CHODL: variants seen among roughly 807,000 people sequenced by gnomAD.
The protein encoded by CHODL is chondrolectin.
In CHODL, 29 loss-of-function variants were observed where a neutral mutation model predicts 34.5. The observed-to-expected ratio is 0.84, with a 90% CI of 0.63 to 1.15. CHODL has a LOEUF of 1.15. Among genes scored for constraint, CHODL ranks in the 50% most tolerant of loss-of-function variants. CHODL has a pLI of 0.00. For synonymous variants in CHODL, 125 were observed against 116.1 expected (o/e 1.08, Z -0.49); for missense variants, 332 against 332.5 (o/e 1.00, Z 0.01).
intron 1 of CHODL, among the ~76,000 whole-genome samples, chr21:17,957,148 T>A (rs2063498732): frequency 6.6e-6 from 1 of 152,194 alleles, no homozygotes; most frequent in Non-Finnish European, 1.5e-5. Context: ...TCACTAACTC[T>A]ATCTAATCAA....
At chr21:18,014,695 C>T (rs989203208) in intron 1 of CHODL, among the ~76,000 whole-genome samples, 5 of 152,170 alleles carry the variant, frequency 3.3e-5, no homozygotes, top group Non-Finnish European at 5.9e-5. Context: ...CTCGTTCCTG[C>T]TCTTGCCATA....
chr21:18,250,008 A>G (rs2074216281), intron 1 of CHODL, among the ~76,000 whole-genome samples: 1 of 152,148 alleles, frequency 6.6e-6, no homozygotes, highest in South Asian at 2.1e-4. Flanking sequence ...TCTCACCAGG[A>G]GAGGTCGTCT....
Position 17,995,238 on chromosome 21 carries a change from C to A in CHODL, c.-144-32634C>A, listed in dbSNP as rs115104779. On this transcript the variant is annotated intron_variant, in intron 1 of 6. Coordinates refer to the CHODL transcript ENST00000400127. ...GTAGCTGCTTGGGTCATGGCACAAACTTCCTCTGGAAAAATGTCTTCTCAT... is the reference window on the plus strand; with the variant it reads ...GTAGCTGCTTGGGTCATGGCACAAAATTCCTCTGGAAAAATGTCTTCTCAT... 4.5e-3 allele frequency among the ~76,000 whole-genome samples: 686 copies of A among 152,256 alleles called. 3 individuals are homozygous for A. Among genetic ancestry groups the A allele is most frequent in the African/African-American group, 0.015 (637 of 41,554 alleles).
chr21:18,072,821 C>T (rs937130280), intron 2 of CHODL, among the ~76,000 whole-genome samples: 1 of 152,048 alleles, frequency 6.6e-6, no homozygotes, highest in African/African-American at 2.4e-5. Flanking sequence ...ACCTCTTATA[C>T]CAAATATACC....
intron 1 of CHODL, among the ~76,000 whole-genome samples, chr21:17,956,744 T>G (rs1371603935): frequency 7.4e-6 from 1 of 135,970 alleles, no homozygotes; most frequent in East Asian, 2.2e-4. Context: ...TTTCTATGAG[T>G]GCACTAATCC....
At chr21:17,971,584 G>GT (rs2063615080) in intron 1 of CHODL, among the ~76,000 whole-genome samples, 1 of 151,836 alleles carries the variant, frequency 6.6e-6, no homozygotes, top group African/African-American at 2.4e-5. Flanking sequence ...TGGGTTGTTT[G>GT]TTTTTTTCTT....
At chr21:18,052,452 C>G (rs1055218262) in intron 2 of CHODL, among the ~76,000 whole-genome samples, 6 of 151,838 alleles carry the variant, frequency 4.0e-5, no homozygotes, top group African/African-American at 1.4e-4. Flanking sequence ...CATTTTATAG[C>G]CTGGCATCTT....
At chr21:18,035,751 A>G (rs1298110850) in intron 2 of CHODL, among the ~76,000 whole-genome samples, 1 of 151,862 alleles carries the variant, frequency 6.6e-6, no homozygotes, top group Non-Finnish European at 1.5e-5. Context: ...TGCATTTTTA[A>G]TCTCAGATGT....
At chr21:17,991,270 G>C (rs1406577740) in intron 1 of CHODL, among the ~76,000 whole-genome samples, 2 of 152,034 alleles carry the variant, frequency 1.3e-5, no homozygotes, top group Non-Finnish European at 2.9e-5. Flanking sequence ...AAATGCTGGG[G>C]TGCAGGTATA....
intron 2 of CHODL, among the ~76,000 whole-genome samples, chr21:18,117,712 TAAATA>T (rs975966563): frequency 3.6e-5 from 5 of 138,614 alleles, no homozygotes; most frequent in African/African-American, 1.2e-4. Context: ...TAAGATAAAA[TAAATA>T]AATAAATAAG....
chr21:18,005,155 C>T (rs1442426144), intron 1 of CHODL, among the ~76,000 whole-genome samples: 1 of 152,224 alleles, frequency 6.6e-6, no homozygotes, highest in Non-Finnish European at 1.5e-5. Flanking sequence ...ACGCTGTGGC[C>T]AGATCCTCTG....
intron 2 of CHODL, among the ~76,000 whole-genome samples, chr21:18,229,280 T>G (rs2073957866): frequency 6.6e-6 from 1 of 152,192 alleles, no homozygotes. Flanking sequence ...GTGATAATTT[T>G]GAATAGCAAA....
intron 1 of CHODL, among the ~76,000 whole-genome samples, chr21:17,945,917 T>C (rs1176129124): frequency 6.6e-6 from 1 of 152,002 alleles, no homozygotes; most frequent in Non-Finnish European, 1.5e-5. Flanking sequence ...CTTAGCAAAC[T>C]CTACAAGCCT....
intron 2 of CHODL, among the ~76,000 whole-genome samples, chr21:18,031,055 A>G (rs3848849): frequency 0.039 from 5,913 of 152,234 alleles, 274 homozygotes; most frequent in East Asian, 0.14. Flanking sequence ...TGATCTAATT[A>G]GTTACTAAAT....
At chr21:18,150,235 G>A (rs1377811332) in intron 2 of CHODL, among the ~76,000 whole-genome samples, 3 of 152,150 alleles carry the variant, frequency 2.0e-5, no homozygotes, top group Admixed American at 2.0e-4. Context: ...TACATAGGAA[G>A]CCTTCAGGTA....
chr21:18,081,125 T>G (rs936655184), intron 2 of CHODL, among the ~76,000 whole-genome samples: 4 of 152,178 alleles, frequency 2.6e-5, no homozygotes, highest in Non-Finnish European at 5.9e-5. Flanking sequence ...CTTCGGATTT[T>G]GTCGTTGGCT....
chr21:18,207,849 T>C (rs112365968), intron 2 of CHODL, among the ~76,000 whole-genome samples: 1 of 151,968 alleles, frequency 6.6e-6, no homozygotes, highest in East Asian at 1.9e-4. Context: ...TTTTATTTTA[T>C]TTGTTTCTTT....
chr21:18,185,922 A>G (rs1213315266), intron 2 of CHODL, among the ~76,000 whole-genome samples: 1 of 152,136 alleles, frequency 6.6e-6, no homozygotes, highest in African/African-American at 2.4e-5. Context: ...TAATGACTTA[A>G]TCATCTCCCA....
At chr21:18,005,683 A>G (rs2063953623) in intron 1 of CHODL, among the ~76,000 whole-genome samples, 1 of 152,244 alleles carries the variant, frequency 6.6e-6, no homozygotes, top group Admixed American at 6.5e-5. Context: ...GGTTCCTCCA[A>G]GAGCTTGACT....
Sources: gnomAD v4.1 joint callset for allele counts (sites outside exome capture counted in the v4.1 genomes callset) on GRCh38, gnomAD v4.1.1 for gene constraint, MANE v1.5 for transcripts, NCBI Gene and HGNC (gene_info 2026-07-23, HGNC 2026-07-21) for gene names.